The following SLCO5A1 variants were observed in gnomAD, a reference collection of about 807,000 sequenced individuals.
SLCO5A1 encodes organic anion transporter polypeptide-related protein 4.
A neutral mutation model predicts 65.1 loss-of-function variants in SLCO5A1; 39 were observed. The ratio of observed to expected loss-of-function variants is 0.60; its 90% CI spans 0.46 to 0.78. The LOEUF is 0.78. Among genes scored for constraint, SLCO5A1 ranks in the 30% least tolerant of loss-of-function variants. The pLI is 0.00. For missense variants in SLCO5A1, 1,029 were observed against 1,069.4 expected (o/e 0.96, Z 0.53); for synonymous variants, 438 against 415.7 (o/e 1.05, Z -0.65).
At chr8:69,755,357 G>A in intron 4 of SLCO5A1, 67 bp downstream of exon 4, 1 of 1,350,410 alleles carries the variant, frequency 7.4e-7, no homozygotes, top group South Asian at 1.2e-5. Flanking sequence ...GCATGGGCCT[G>A]GGACCACACT....
chr8:69,785,309 T>C (rs1451685517), intron 2 of SLCO5A1, among the ~76,000 whole-genome samples: 4 of 152,220 alleles, frequency 2.6e-5, no homozygotes, highest in African/African-American at 7.2e-5. Flanking sequence ...GTGATAAATA[T>C]AGGACTATAG....
At chr8:69,676,576 CT>C in intron 9 of SLCO5A1, 32 bp downstream of exon 9, 3 of 1,598,558 alleles carry the variant, frequency 1.9e-6, no homozygotes, top group Non-Finnish European at 2.6e-6. Flanking sequence ...CAAAGAGGAA[CT>C]AAGAGGTACA....
rs770191440 is a variant in SLCO5A1, at chr8:69,763,614, CAAAAAAAAAAAAAAAAAA to C, written c.908-1757_908-1740del. Among the ~76,000 whole-genome samples, 27 of 13,168 alleles carry C rather than the reference CAAAAAAAAAAAAAAAAAA, an allele frequency of 2.1e-3. No homozygotes were observed. The South Asian group carries it at 0.044, about 22-fold the overall frequency. 8.6% of individuals were successfully genotyped at this position (13,168 alleles called of 152,430 possible). On this transcript the variant is annotated intron_variant, in intron 2 of 9. Transcript: ENST00000260126. ...CAGGCTAGGAAACAGAGCAAGACTC[CAAAAAAAAAAAAAAAAAA>C]AAAAAAAAAAAAAAAAAAAGGGTGT...
chr8:69,718,815 C>G (rs1487437316), intron 5 of SLCO5A1, among the ~76,000 whole-genome samples: 2 of 152,058 alleles, frequency 1.3e-5, no homozygotes, highest in Non-Finnish European at 2.9e-5. Context: ...ACGTGGGAAA[C>G]AGACAAACCA....
At chr8:69,688,592 T>C (rs113023918) in intron 6 of SLCO5A1, among the ~76,000 whole-genome samples, 9 of 59,294 alleles carry the variant, frequency 1.5e-4, no homozygotes, top group African/African-American at 5.9e-4. Flanking sequence ...CGGTGTTTGG[T>C]TTTTTTGTCC....
chr8:69,777,828 C>A (rs900228318), intron 2 of SLCO5A1, among the ~76,000 whole-genome samples: 1 of 152,190 alleles, frequency 6.6e-6, no homozygotes, highest in Non-Finnish European at 1.5e-5. Context: ...ATGCCAGAAG[C>A]AGACGGTCCT....
At chr8:69,674,466 A>C (rs73686115) in intron 9 of SLCO5A1, among the ~76,000 whole-genome samples, 5,855 of 152,270 alleles carry the variant, frequency 0.038, 401 homozygotes, top group African/African-American at 0.13. Flanking sequence ...GTTTAATTTT[A>C]ATATTATTAA....
chr8:69,784,887 GAA>G (rs768774012), intron 2 of SLCO5A1, among the ~76,000 whole-genome samples: 25 of 76,582 alleles, frequency 3.3e-4, no homozygotes, highest in South Asian at 1.9e-3. Flanking sequence ...AAGAAAGAAA[GAA>G]GAAAGGAAGA....
chr8:69,695,428 G>A (rs187388202), intron 6 of SLCO5A1, among the ~76,000 whole-genome samples: 51 of 152,186 alleles, frequency 3.4e-4, no homozygotes, highest in South Asian at 6.2e-4. Context: ...CCCAGGGGGC[G>A]GAGGTTGCAG....
chr8:69,811,720 A>G (rs1820211128), intron 2 of SLCO5A1, among the ~76,000 whole-genome samples: 1 of 152,222 alleles, frequency 6.6e-6, no homozygotes, highest in Admixed American at 6.5e-5. Flanking sequence ...ACGGAATTAA[A>G]TTTTAAAAGT....
rs535414945 is a variant in SLCO5A1 at position 69,822,625 on chromosome 8, C to T, written c.907+9142G>A. ...TCTCACTCCCCTCTCTGCCCACACC[C>T]TAGGATAAGTTTGAATTCTACTTTG... is the stretch of plus-strand genomic sequence containing the variant. On this transcript the variant is annotated intron_variant, in intron 2 of 9. Coordinates refer to ENST00000260126, the MANE Select transcript of SLCO5A1 (RefSeq NM_030958.3). 2.6e-4 allele frequency among the ~76,000 whole-genome samples: 39 copies of T among 152,322 alleles called. No homozygotes were observed. The South Asian group carries it at 6.4e-3, about 25-fold the overall frequency.
At chr8:69,703,716 C>A (rs1245698032) in intron 6 of SLCO5A1, among the ~76,000 whole-genome samples, 1 of 152,136 alleles carries the variant, frequency 6.6e-6, no homozygotes, top group Non-Finnish European at 1.5e-5. Context: ...GGCAGCCACC[C>A]TGGATGACAA....
chr8:69,695,047 T>C (rs1323595975), intron 6 of SLCO5A1, among the ~76,000 whole-genome samples: 1 of 152,250 alleles, frequency 6.6e-6, no homozygotes. Flanking sequence ...GGAATTGCTC[T>C]GCATGATCCA....
chr8:69,686,496 C>T lies in SLCO5A1; in HGVS notation c.1623-4153G>A, dbSNP rs1308873103. On this transcript the variant is annotated intron_variant, in intron 6 of 9. Transcript: ENST00000260126. ...ATTTAAAACTAACATCAGCAGAACC[C>T]TATTTTTGTTCCATGTATTGCACCC... is the stretch of plus-strand genomic sequence containing the variant. Among the ~76,000 whole-genome samples the T allele has an allele frequency of 3.3e-5, 5 of 152,256 alleles. No homozygotes were observed. The East Asian group carries it at 9.6e-4, about 29-fold the overall frequency.
intron 6 of SLCO5A1, among the ~76,000 whole-genome samples, chr8:69,693,634 C>T (rs1814368876): frequency 6.6e-6 from 1 of 152,152 alleles, no homozygotes; most frequent in Admixed American, 6.5e-5. Context: ...TGACTTCAAG[C>T]AAGTTATTTA....
intron 5 of SLCO5A1, among the ~76,000 whole-genome samples, chr8:69,714,109 A>G (rs1043388648): frequency 6.6e-6 from 1 of 152,216 alleles, no homozygotes; most frequent in African/African-American, 2.4e-5. Flanking sequence ...AGCACAGTAT[A>G]TCTCTTTCTC....
chr8:69,800,314 C>T (rs1234635635), intron 2 of SLCO5A1, among the ~76,000 whole-genome samples: 1 of 137,924 alleles, frequency 7.3e-6, no homozygotes, highest in African/African-American at 2.8e-5. Flanking sequence ...AATGCAGTAG[C>T]ACAATCACAA....
chr8:69,702,024 T>C (rs1814761374), intron 6 of SLCO5A1, among the ~76,000 whole-genome samples: 1 of 152,154 alleles, frequency 6.6e-6, no homozygotes, highest in African/African-American at 2.4e-5. Context: ...TTCTGAAAAA[T>C]ACAGAGTCAC....
rs1431455163 is a variant in SLCO5A1 at position 69,673,129 on chromosome 8, T to C, written c.2287A>G (p.Lys763Glu). The C allele has an allele frequency of 2.5e-6, 4 of 1,614,232 alleles. No individual in the cohort carries two copies. Among genetic ancestry groups the C allele is most frequent in the Non-Finnish European group, 3.4e-6 (4 of 1,180,042 alleles). The change falls in exon 10 of 10, where the codon AAG becomes GAG. Residue 763 changes from lysine to glutamate, a missense_variant. Physicochemically the swap from Lys to Glu is moderately conservative, Grantham distance 56 (BLOSUM62 1). Around this residue, in one of 3 missense-constraint regions of SLCO5A1, gnomAD observed 258 missense variants for 237.4 expected, o/e 1.09. Transcript: ENST00000260126. ...IFLAWYSIKY[K>E]EDGLQRRRQR... ...CTCCGCCTCTGCAGTCCATCCTCCTTGTATTTTATGGAGTACCAGGCCAGA... is the reference window on the plus strand; with the variant it reads ...CTCCGCCTCTGCAGTCCATCCTCCTCGTATTTTATGGAGTACCAGGCCAGA...
Sources: gnomAD v4.1 joint callset for allele counts (sites outside exome capture counted in the v4.1 genomes callset) on GRCh38, gnomAD v4.1.1 for gene constraint, gnomAD v4.1.1 regional missense constraint, MANE v1.5 for transcripts, NCBI Gene and HGNC (gene_info 2026-07-23, HGNC 2026-07-21) for gene names.